Variants in FBN1 observed in about 807,000 individuals in gnomAD.
FBN1 encodes the protein fibrillin 1, also known as fibrillin-1.
A neutral mutation model predicts 365.1 loss-of-function variants in FBN1; 29 were observed. The ratio of observed to expected loss-of-function variants is 0.08; its 90% confidence interval spans 0.06 to 0.11. FBN1 has a LOEUF of 0.11. FBN1 is among the 10% of genes least tolerant of loss of function. FBN1 has a pLI of 1.00. For synonymous variants in FBN1, 1,210 were observed against 1,270.5 expected (o/e 0.95, Z 1.01); for missense variants, 2,476 against 3,703.2 (o/e 0.67, Z 8.60).
chr15:48,614,478 A>C (rs115926667), intron 2 of FBN1, among the ~76,000 whole-genome samples: 1 of 152,214 alleles, frequency 6.6e-6, no homozygotes. Context: ...GGGAACCAAC[A>C]TAAGGTCTTT....
intron 32 of FBN1, among the ~76,000 whole-genome samples, chr15:48,475,555 G>A (rs1031918559): frequency 2.0e-5 from 3 of 152,076 alleles, no homozygotes; most frequent in African/African-American, 4.8e-5. Context: ...CATTAACTAA[G>A]AACAAGAACT....
intron 10 of FBN1, among the ~76,000 whole-genome samples, chr15:48,519,850 C>T (rs1042865430): frequency 3.3e-5 from 5 of 152,124 alleles, no homozygotes; most frequent in African/African-American, 1.2e-4. Context: ...ATGTTCTTTG[C>T]AAGAAATGGA....
chr15:48,425,759 A>G lies in FBN1; in HGVS notation c.7310T>C (p.Ile2437Thr), dbSNP rs2141226872. ...CICKTGYTPDITGTSCVDLNE... is the reference protein window; with the variant it reads ...CICKTGYTPDTTGTSCVDLNE... ...CTTACCTACACAGGAAGTCCCAGTT[A>G]TATCTGGAGTGTACCCAGTTTTACA... The change falls in exon 59 of 66, where the codon ATA becomes ACA. Residue 2437 changes from isoleucine (I) to threonine (T), a missense_variant. Transcript: ENST00000316623. 6.2e-7 allele frequency: 1 copy of G among 1,613,622 alleles called. No homozygotes were observed. The highest frequency in any genetic ancestry group is 8.5e-7 in the Non-Finnish European group (1 of 1,179,580).
chr15:48,474,488 G>T, intron 33 of FBN1, 40 bp downstream of exon 33: 1 of 1,614,012 alleles, frequency 6.2e-7, no homozygotes, highest in Non-Finnish European at 8.5e-7. Flanking sequence ...TGTAATCTAT[G>T]CAGTCCTTGA....
chr15:48,618,315 T>C (rs1889696954), intron 2 of FBN1, among the ~76,000 whole-genome samples: 1 of 152,218 alleles, frequency 6.6e-6, no homozygotes, highest in African/African-American at 2.4e-5. Context: ...CACATCATGA[T>C]TTTATTTGCT....
At chr15:48,632,037 G>T (rs941379751) in intron 2 of FBN1, among the ~76,000 whole-genome samples, 4 of 152,174 alleles carry the variant, frequency 2.6e-5, no homozygotes, top group African/African-American at 7.2e-5. Context: ...AGTTGAGGGG[G>T]TGCATATTAA....
chr15:48,463,920 T>G lies in FBN1; in HGVS notation c.5044A>C (p.Asn1682His). 6.2e-7 allele frequency: 1 copy of G among 1,613,676 alleles called. No individual in the cohort carries two copies. The highest frequency in any genetic ancestry group is 8.5e-7 in the Non-Finnish European group (1 of 1,179,772). The change falls in exon 41 of 66, where the codon AAT becomes CAT. Residue 1682 changes from asparagine to histidine, a missense_variant. Coordinates refer to ENST00000316623, the MANE Select transcript of FBN1 (RefSeq NM_000138.5). ...CICPPDYMQV[N>H]GGNNCMDMRR... ...TTACCCATGCAATTATTTCCCCCAT[T>G]CACTTGCATGTAGTCTGGAGGACAG... is the stretch of plus-strand genomic sequence containing the variant.
intron 8 of FBN1, among the ~76,000 whole-genome samples, chr15:48,529,879 T>A (rs1298435647): frequency 1.3e-5 from 2 of 150,126 alleles, no homozygotes; most frequent in Non-Finnish European, 3.0e-5. Flanking sequence ...AACTTGAAAA[T>A]GGAGTCTGAA....
intron 65 of FBN1, among the ~76,000 whole-genome samples, chr15:48,411,771 A>C (rs1443837458): frequency 2.0e-5 from 3 of 152,256 alleles, no homozygotes; most frequent in Admixed American, 6.5e-5. Flanking sequence ...GGTGATTCAG[A>C]TGCATGCTAA....
intron 8 of FBN1, among the ~76,000 whole-genome samples, chr15:48,533,722 T>C (rs1445497027): frequency 6.6e-6 from 1 of 152,190 alleles, no homozygotes; most frequent in Non-Finnish European, 1.5e-5. Context: ...GAAGATATAT[T>C]ATTCTGAATG....
At chr15:48,434,089 T>C (rs1006639120) in intron 54 of FBN1, among the ~76,000 whole-genome samples, 1 of 152,184 alleles carries the variant, frequency 6.6e-6, no homozygotes, top group African/African-American at 2.4e-5. Context: ...CTTCTTTCCA[T>C]ACATTCCACC....
At chr15:48,414,822 G>A (rs1041517982) in intron 64 of FBN1, among the ~76,000 whole-genome samples, 1 of 151,662 alleles carries the variant, frequency 6.6e-6, no homozygotes, top group Non-Finnish European at 1.5e-5. Context: ...CGTGAACCCG[G>A]GAGGCAGAGC....
intron 44 of FBN1, among the ~76,000 whole-genome samples, chr15:48,454,763 C>T (rs2043226944): frequency 6.6e-6 from 1 of 152,208 alleles, no homozygotes; most frequent in Non-Finnish European, 1.5e-5. Context: ...GTGGAAAACC[C>T]TCAGGACTGT....
chr15:48,578,190 T>G (rs1049600685), intron 6 of FBN1, among the ~76,000 whole-genome samples: 1 of 152,152 alleles, frequency 6.6e-6, no homozygotes, highest in East Asian at 1.9e-4. Flanking sequence ...TCAAATTCAT[T>G]TTTAGTTCAT....
intron 8 of FBN1, among the ~76,000 whole-genome samples, chr15:48,531,709 G>A (rs1271769454): frequency 3.3e-5 from 5 of 152,102 alleles, no homozygotes; most frequent in African/African-American, 9.7e-5. Flanking sequence ...GAGCAAGGAC[G>A]TCGAAAAAGT....
chr15:48,495,183 A>G lies in FBN1; in HGVS notation c.2617T>C (p.Ser873Pro). 6.2e-7 allele frequency: 1 copy of G among 1,614,162 alleles called. No individual in the cohort carries two copies. Residue 873 changes from serine to proline, a missense_variant, in exon 22 of 66, where the codon TCC becomes CCC. Physicochemically the swap from Ser to Pro is moderately conservative, Grantham distance 74. Around this residue, in one of 5 missense-constraint regions of FBN1, gnomAD observed 1,780 missense variants for 2,840.8 expected, o/e 0.63. Transcript: ENST00000316623. Reference sequence around the variant, plus strand: ...GCACCGAGGGAGGAGCAGCACTGGGACTTTAAGGTGGCTCCATTGATGTTG... The same window carrying G: ...GCACCGAGGGAGGAGCAGCACTGGGGCTTTAAGGTGGCTCCATTGATGTTG... Reference protein sequence around the residue: ...EININGATLKSQCCSSLGAAW... With the variant: ...EININGATLKPQCCSSLGAAW...
chr15:48,447,618 T>C (rs762215108), intron 46 of FBN1, among the ~76,000 whole-genome samples: 1 of 152,162 alleles, frequency 6.6e-6, no homozygotes, highest in African/African-American at 2.4e-5. Flanking sequence ...AAGTTGTTAC[T>C]GCTGGTTTGA....
chr15:48,580,576 C>T (rs1490475650), intron 6 of FBN1, among the ~76,000 whole-genome samples: 1 of 152,108 alleles, frequency 6.6e-6, no homozygotes, highest in East Asian at 1.9e-4. Context: ...TGAGCACCCA[C>T]AGGAAGGCAT....
At chr15:48,613,207 C>T (rs1472813244) in intron 2 of FBN1, 115 bp from the exon 3 acceptor site, 2 of 778,484 alleles carry the variant, frequency 2.6e-6, no homozygotes, top group Non-Finnish European at 4.4e-6. Context: ...TCCTGGCAGA[C>T]AGATAAAGCA....
Sources: gnomAD v4.1 joint callset for allele counts (sites outside exome capture counted in the v4.1 genomes callset) on GRCh38, gnomAD v4.1.1 for gene constraint, gnomAD v4.1.1 regional missense constraint, MANE v1.5 for transcripts, NCBI Gene and HGNC (gene_info 2026-07-23, HGNC 2026-07-21) for gene names.